PTPRT: variants seen among roughly 807,000 people sequenced by gnomAD.
The protein encoded by PTPRT is receptor-type tyrosine-protein phosphatase T.
Under a neutral mutation model 176.8 loss-of-function variants are expected in PTPRT, and 56 were observed. That is an observed-to-expected ratio of 0.32 (90% CI 0.26 to 0.40). PTPRT has a LOEUF of 0.40. PTPRT is among the 10% of genes least tolerant of loss of function. PTPRT has a pLI of 1.00. For synonymous variants in PTPRT, 783 were observed against 739.0 expected, an observed-to-expected ratio of 1.06 and a Z score of -0.96; for missense variants, 1,540 against 1,908.2, an observed-to-expected ratio of 0.81 and a Z score of 3.60.
chr20:42,602,753 G>T (rs1338202907), intron 7 of PTPRT, among the ~76,000 whole-genome samples: 2 of 151,930 alleles, frequency 1.3e-5, no homozygotes, highest in African/African-American at 4.8e-5. Flanking sequence ...AATACTAGAT[G>T]GTGACAGAAC....
intron 2 of PTPRT, among the ~76,000 whole-genome samples, chr20:42,835,841 C>T (rs2078172155): frequency 6.6e-6 from 1 of 152,018 alleles, no homozygotes; most frequent in Non-Finnish European, 1.5e-5. Context: ...GCAGAAAATA[C>T]TTCTCCCTTC....
intron 21 of PTPRT, among the ~76,000 whole-genome samples, chr20:42,117,200 G>A (rs531679254): frequency 6.6e-6 from 1 of 152,194 alleles, no homozygotes; most frequent in Non-Finnish European, 1.5e-5. Flanking sequence ...GCCCTGAGAT[G>A]TCCATACCCC....
At chr20:42,481,026 C>T (rs985988262) in intron 7 of PTPRT, among the ~76,000 whole-genome samples, 26 of 143,402 alleles carry the variant, frequency 1.8e-4, no homozygotes, top group African/African-American at 2.6e-5. Context: ...AGTAGGTGAG[C>T]TTTTTTTTTT....
chr20:42,259,306 C>G (rs1165107631), intron 13 of PTPRT, among the ~76,000 whole-genome samples: 2 of 152,160 alleles, frequency 1.3e-5, no homozygotes, highest in Non-Finnish European at 2.9e-5. Flanking sequence ...CTCCTTTATT[C>G]TATTAAGAAA....
chr20:42,522,252 T>C (rs2072190162), intron 7 of PTPRT, among the ~76,000 whole-genome samples: 1 of 151,042 alleles, frequency 6.6e-6, no homozygotes, highest in South Asian at 2.1e-4. Flanking sequence ...GTGTGACTTC[T>C]ACCTTAGTCT....
intron 1 of PTPRT, among the ~76,000 whole-genome samples, chr20:42,941,669 T>C (rs1047214815): frequency 6.6e-6 from 1 of 152,138 alleles, no homozygotes; most frequent in Admixed American, 6.5e-5. Context: ...TCCTAAAACC[T>C]CCTTTAATGA....
At chr20:42,645,074 G>A (rs1353375154) in intron 7 of PTPRT, among the ~76,000 whole-genome samples, 1 of 152,088 alleles carries the variant, frequency 6.6e-6, no homozygotes, top group African/African-American at 2.4e-5. Flanking sequence ...AATTTGTCAC[G>A]CAGTCTATGG....
Position 43,189,717 on chromosome 20 carries a change from G to A in PTPRT, c.17C>T (p.Ala6Val). 7.9e-7 allele frequency: 1 copy of A among 1,264,022 alleles called. No individual in the cohort carries two copies. The highest frequency in any genetic ancestry group is 9.9e-7 in the Non-Finnish European group (1 of 1,006,620). 78.3% of individuals were successfully genotyped at this position (1,264,022 alleles called of 1,614,324 possible). The part of the protein sequence containing the change: MASLA[A>V]LALSLLLRLQ... ...CCTCAGGAGCAGGCTGAGGGCGAGC[G>A]CGGCGAGGCTCGCCATCCGGGCGGC... is the stretch of plus-strand genomic sequence containing the variant. The change falls in exon 1 of 31, where the codon GCG becomes GTG. Residue 6 changes from alanine (A) to valine (V), a missense_variant. Ala to Val is a moderately conservative substitution (Grantham distance 64, BLOSUM62 0). Around this residue, in one of 11 missense-constraint regions of PTPRT, gnomAD observed 116 missense variants for 118.5 expected, o/e 0.98. Transcript: ENST00000373187. This position sits in a 1 kb window ranked among gnomAD's most constrained non-coding sequence, Gnocchi z 5.0.
chr20:43,092,474 T>C (rs747805744), intron 1 of PTPRT, among the ~76,000 whole-genome samples: 2 of 152,232 alleles, frequency 1.3e-5, no homozygotes, highest in Non-Finnish European at 2.9e-5. Context: ...TATTTTGTAA[T>C]AGTAACTGTG....
chr20:42,344,595 G>C (rs2058160076), intron 11 of PTPRT, among the ~76,000 whole-genome samples: 1 of 152,188 alleles, frequency 6.6e-6, no homozygotes, highest in African/African-American at 2.4e-5. Context: ...TGCTGCAAGA[G>C]TGGAGATGGT....
At chr20:42,415,215 T>C (rs1192225869) in intron 9 of PTPRT, among the ~76,000 whole-genome samples, 1 of 152,198 alleles carries the variant, frequency 6.6e-6, no homozygotes, top group African/African-American at 2.4e-5. Flanking sequence ...AGGGTCTTGC[T>C]CTGTTGCTCA....
intron 7 of PTPRT, among the ~76,000 whole-genome samples, chr20:42,580,317 T>G (rs2071785000): frequency 6.6e-6 from 1 of 152,130 alleles, no homozygotes; most frequent in Admixed American, 6.5e-5. Flanking sequence ...CCTTGTAGTA[T>G]AGTTTGAAGT....
intron 1 of PTPRT, among the ~76,000 whole-genome samples, chr20:43,000,397 T>TG (rs1408961959): frequency 1.4e-5 from 2 of 147,336 alleles, no homozygotes; most frequent in Non-Finnish European, 3.0e-5. Flanking sequence ...ACATCTGGGG[T>TG]GAAAAAAAAA....
intron 1 of PTPRT, among the ~76,000 whole-genome samples, chr20:42,922,974 T>C (rs73910630): frequency 0.03 from 4,592 of 152,162 alleles, 153 homozygotes; most frequent in African/African-American, 0.082. Context: ...CCCACCCCTG[T>C]GGTTCCCAAC....
At chr20:42,348,970 A>G (rs557932688) in intron 11 of PTPRT, among the ~76,000 whole-genome samples, 4 of 152,338 alleles carry the variant, frequency 2.6e-5, no homozygotes, top group African/African-American at 9.6e-5. Flanking sequence ...ATTCAGAGGG[A>G]AAGTGTAAAG....
At chr20:42,812,183 G>A (rs532963342) in intron 2 of PTPRT, among the ~76,000 whole-genome samples, 1 of 151,894 alleles carries the variant, frequency 6.6e-6, no homozygotes, top group East Asian at 1.9e-4. Flanking sequence ...CTAGCATTCT[G>A]TACCAAATTT....
intron 11 of PTPRT, among the ~76,000 whole-genome samples, chr20:42,349,031 A>G (rs2058237815): frequency 6.6e-6 from 1 of 152,158 alleles, no homozygotes; most frequent in African/African-American, 2.4e-5. Flanking sequence ...ACTACATAGG[A>G]ACTTCTAAAT....
At chr20:42,083,136 A>G (rs73907083) in intron 29 of PTPRT, among the ~76,000 whole-genome samples, 161 of 130,120 alleles carry the variant, frequency 1.2e-3, no homozygotes, top group Middle Eastern at 7.8e-3. Context: ...AAAAAAAAAA[A>G]GCAGGCTAAA....
chr20:42,099,546 C>CGAGGGGG (rs1262251876), intron 26 of PTPRT, among the ~76,000 whole-genome samples: 1 of 28,896 alleles, frequency 3.5e-5, no homozygotes. Context: ...ATGGCCTGGG[C>CGAGGGGG]GGGGGGGGGG....
Sources: allele counts gnomAD v4.1 joint callset (sites outside exome capture counted in the v4.1 genomes callset), GRCh38; gene constraint gnomAD v4.1.1; regional missense constraint gnomAD v4.1.1; non-coding constraint Gnocchi (gnomAD v3.1); transcripts MANE v1.5; gene names NCBI Gene and HGNC (gene_info 2026-07-23, HGNC 2026-07-21).